The following SLC25A21 variants were observed in gnomAD, a reference collection of about 807,000 sequenced individuals.
SLC25A21 encodes the protein mitochondrial 2-oxodicarboxylate carrier.
A neutral mutation model predicts 43.8 loss-of-function variants in SLC25A21; 47 were observed. The ratio of observed to expected loss-of-function variants is 1.07; its 90% CI spans 0.85 to 1.37. The LOEUF is 1.37. Ranked by LOEUF, SLC25A21 falls within the 40% of genes most tolerant of loss-of-function variation. The pLI is 0.00. For missense variants in SLC25A21, 352 were observed against 350.2 expected (o/e 1.00, Z -0.04); for synonymous variants, 131 against 121.3 (o/e 1.08, Z -0.52).
chr14:36,722,433 T>C (rs1266512589), intron 6 of SLC25A21, among the ~76,000 whole-genome samples: 3 of 152,098 alleles, frequency 2.0e-5, no homozygotes, highest in Non-Finnish European at 4.4e-5. Flanking sequence ...ACTATGGACT[T>C]GGGTGATAAT....
intron 1 of SLC25A21, among the ~76,000 whole-genome samples, chr14:36,920,302 T>C (rs1472723346): frequency 6.6e-6 from 1 of 152,116 alleles, no homozygotes; most frequent in Non-Finnish European, 1.5e-5. Flanking sequence ...AGGCTCCTTT[T>C]GAAAACTGAT....
intron 3 of SLC25A21, among the ~76,000 whole-genome samples, chr14:36,792,141 T>C (rs1887507789): frequency 6.6e-6 from 1 of 152,156 alleles, no homozygotes; most frequent in Admixed American, 6.6e-5. Context: ...CCATCGACTA[T>C]TTCCCCACAG....
At chr14:37,017,142 C>T (rs1248215424) in intron 1 of SLC25A21, among the ~76,000 whole-genome samples, 3 of 152,062 alleles carry the variant, frequency 2.0e-5, no homozygotes, top group Non-Finnish European at 4.4e-5. Context: ...CTGTTTAGTG[C>T]AAGAGGCCTA....
intron 1 of SLC25A21, among the ~76,000 whole-genome samples, chr14:36,883,995 A>C (rs914786833): frequency 6.6e-6 from 1 of 152,174 alleles, no homozygotes; most frequent in Admixed American, 6.6e-5. Context: ...GAGAACATTT[A>C]AAATCTAATC....
intron 2 of SLC25A21, among the ~76,000 whole-genome samples, chr14:36,833,058 T>A (rs1889091290): frequency 6.6e-6 from 1 of 152,174 alleles, no homozygotes; most frequent in Non-Finnish European, 1.5e-5. Context: ...ATCTATAAAG[T>A]GCATAGCAAG....
chr14:37,122,227 A>C (rs1279998513), intron 1 of SLC25A21, among the ~76,000 whole-genome samples: 2 of 152,164 alleles, frequency 1.3e-5, no homozygotes, highest in Non-Finnish European at 2.9e-5. Flanking sequence ...GAACTCTTTA[A>C]CGTTTTTCAG....
chr14:36,875,639 C>T (rs1287402838), intron 1 of SLC25A21, among the ~76,000 whole-genome samples: 1 of 152,076 alleles, frequency 6.6e-6, no homozygotes, highest in Non-Finnish European at 1.5e-5. Flanking sequence ...ATGTAGTATC[C>T]CCATTGTACA....
chr14:37,028,656 AT>A (rs1160848342), intron 1 of SLC25A21, among the ~76,000 whole-genome samples: 1 of 152,232 alleles, frequency 6.6e-6, no homozygotes, highest in Non-Finnish European at 1.5e-5. Flanking sequence ...TGAATAAAAA[AT>A]AACATTAAAG....
intron 7 of SLC25A21, among the ~76,000 whole-genome samples, chr14:36,710,719 T>C (rs932578743): frequency 5.3e-5 from 8 of 152,184 alleles, no homozygotes; most frequent in African/African-American, 1.9e-4. Flanking sequence ...CATAAGCCAC[T>C]GCACCCAGCC....
chr14:36,706,579 C>G (rs776619912), intron 7 of SLC25A21, among the ~76,000 whole-genome samples: 4 of 152,112 alleles, frequency 2.6e-5, no homozygotes, highest in Non-Finnish European at 5.9e-5. Context: ...AGGCAGAGCC[C>G]GTAATATTCC....
In SLC25A21 at chr14:37,064,915, C is replaced by T. The variant is rs73258301; in HGVS notation, c.70+107366G>A. Among the ~76,000 whole-genome samples, 1,278 of 152,252 alleles carry T rather than the reference C, an allele frequency of 8.4e-3. 23 individuals carry two copies. The highest frequency in any genetic ancestry group is 0.029 in the African/African-American group (1,217 of 41,542). On this transcript the variant is annotated intron_variant, in intron 1 of 9. Transcript: ENST00000331299. The stretch of plus-strand genomic sequence containing the variant: ...GATCTGCTTTCATCCCTTCCTTTGA[C>T]ACACATCTGTTAAGGGCCTAATATA...
At chr14:36,955,805 A>T (rs769908623) in intron 1 of SLC25A21, among the ~76,000 whole-genome samples, 1 of 152,134 alleles carries the variant, frequency 6.6e-6, no homozygotes, top group Non-Finnish European at 1.5e-5. Flanking sequence ...ACAACTTAAG[A>T]ACTGTTGCCT....
chr14:36,718,652 C>T (rs1884248717), intron 6 of SLC25A21, among the ~76,000 whole-genome samples: 2 of 152,158 alleles, frequency 1.3e-5, no homozygotes, highest in South Asian at 2.1e-4. Context: ...ATATCATACA[C>T]GATCTAATTG....
At chr14:37,012,085 T>C (rs1412497815) in intron 1 of SLC25A21, among the ~76,000 whole-genome samples, 5 of 152,178 alleles carry the variant, frequency 3.3e-5, no homozygotes, top group Non-Finnish European at 7.4e-5. Context: ...ACTATGCCTA[T>C]CCAGTACAAA....
intron 1 of SLC25A21, among the ~76,000 whole-genome samples, chr14:36,947,842 A>G (rs1892712764): frequency 6.6e-6 from 1 of 152,286 alleles, no homozygotes; most frequent in East Asian, 1.9e-4. Context: ...TCCTCTTAGA[A>G]GGAACTGTCT....
intron 6 of SLC25A21, among the ~76,000 whole-genome samples, chr14:36,721,523 T>C (rs1302637173): frequency 2.0e-5 from 3 of 152,206 alleles, no homozygotes; most frequent in Non-Finnish European, 4.4e-5. Context: ...TGTTGGATAA[T>C]GGTAAAAAGT....
intron 1 of SLC25A21, among the ~76,000 whole-genome samples, chr14:37,098,956 C>T (rs1962763229): frequency 6.6e-6 from 1 of 152,004 alleles, no homozygotes; most frequent in Non-Finnish European, 1.5e-5. Context: ...GCATGCACAA[C>T]TGCACCTGGC....
intron 3 of SLC25A21, among the ~76,000 whole-genome samples, chr14:36,812,948 C>A (rs1309329122): frequency 6.6e-6 from 1 of 151,998 alleles, no homozygotes. Context: ...ATAATAGAAG[C>A]TAAATATATA....
intron 3 of SLC25A21, among the ~76,000 whole-genome samples, chr14:36,808,457 A>T (rs1312180184): frequency 2.0e-5 from 3 of 152,200 alleles, no homozygotes; most frequent in Non-Finnish European, 4.4e-5. Context: ...TTGAAGGAGG[A>T]TATAAAGCTG....
Sources: gnomAD v4.1 joint callset for allele counts (sites outside exome capture counted in the v4.1 genomes callset) on GRCh38, gnomAD v4.1.1 for gene constraint, MANE v1.5 for transcripts, NCBI Gene and HGNC (gene_info 2026-07-23, HGNC 2026-07-21) for gene names.